The following GALNT9 variants were observed in gnomAD, a reference collection of about 807,000 sequenced individuals.
GALNT9 encodes the protein GalNAc transferase 9.
Under a neutral mutation model 63.1 loss-of-function variants are expected in GALNT9, and 47 were observed. The ratio of observed to expected loss-of-function variants is 0.75; its 90% CI spans 0.59 to 0.95. The LOEUF (loss-of-function observed/expected upper bound fraction) is 0.95, where lower values mean the gene tolerates loss of function less well. Among genes scored for constraint, GALNT9 ranks in the 40% least tolerant of loss-of-function variants. The pLI is 0.00. For missense variants in GALNT9, 829 were observed against 874.8 expected (o/e 0.95, Z 0.66); for synonymous variants, 396 against 365.7 (o/e 1.08, Z -0.94).
At chr12:132,325,373 C>A (rs1309816929) in intron 1 of GALNT9, among the ~76,000 whole-genome samples, 1 of 152,238 alleles carries the variant, frequency 6.6e-6, no homozygotes, top group African/African-American at 2.4e-5. Flanking sequence ...CAGACAGACA[C>A]AGCCTCGCCC....
intron 1 of GALNT9, among the ~76,000 whole-genome samples, chr12:132,302,614 C>T (rs1376200252): frequency 6.6e-6 from 1 of 152,200 alleles, no homozygotes; most frequent in Non-Finnish European, 1.5e-5. Context: ...ACCTGCCTGC[C>T]CCCCAGAGCT....
intron 8 of GALNT9, among the ~76,000 whole-genome samples, chr12:132,199,519 G>C (rs763653713): frequency 1.3e-5 from 2 of 152,160 alleles, no homozygotes; most frequent in Non-Finnish European, 2.9e-5. Flanking sequence ...GGGAACACTT[G>C]AGCAGCAGGG....
intron 6 of GALNT9, among the ~76,000 whole-genome samples, chr12:132,225,090 C>T (rs1040848416): frequency 3.6e-5 from 5 of 140,316 alleles, no homozygotes; most frequent in Non-Finnish European, 7.7e-5. Flanking sequence ...CCACATGCCA[C>T]ACACTGTACA....
rs1198180571 is a variant in GALNT9 at position 132,303,395 on chromosome 12, G to GCCCGGGCACACCCTCA, written c.239-16981_239-16966dup. ...AGCACCCTCTCCGGGGCACAGCCTC[G>GCCCGGGCACACCCTCA]CCCGGGCACACCCTCACCCGGGCAC... On this transcript the variant is annotated intron_variant, in intron 1 of 10. Coordinates refer to ENST00000328957, the MANE Select transcript of GALNT9 (RefSeq NM_001122636.2). 3.3e-3 allele frequency among the ~76,000 whole-genome samples: 306 copies of GCCCGGGCACACCCTCA among 93,080 alleles called. 4 individuals are homozygous for GCCCGGGCACACCCTCA. Among genetic ancestry groups the GCCCGGGCACACCCTCA allele is most frequent in the Middle Eastern group, 5.3e-3 (1 of 190 alleles). 61.1% of individuals were successfully genotyped at this position (93,080 alleles called of 152,430 possible).
At position 132,248,000 on chromosome 12, in the gene GALNT9, G is replaced by A. The variant is rs570816801; in HGVS notation, c.987C>T (p.Phe329=). ...IRTPAMIGCS[F]VVDREYFGDI... The stretch of plus-strand genomic sequence containing the variant: ...CTCCGAAGTACTCGCGGTCCACTAC[G>A]AAGGAGCAGCCGATCATGGCTGGGG... Residue 329 remains phenylalanine, a synonymous_variant, in exon 6 of 11, where the codon TTC becomes TTT. Coordinates refer to ENST00000328957, the MANE Select transcript of GALNT9 (RefSeq NM_001122636.2). 4.4e-5 allele frequency: 69 copies of A among 1,551,322 alleles called. 1 individual carries two copies. The highest frequency in any genetic ancestry group is 2.5e-4 in the African/African-American group (18 of 73,192).
intron 8 of GALNT9, chr12:132,200,799 C>T: frequency 5.6e-6 from 2 of 356,060 alleles, no homozygotes; most frequent in South Asian, 6.8e-5. Flanking sequence ...TGTGAACACG[C>T]ATGGATGTGA....
chr12:132,307,706 C>T (rs558837372), intron 1 of GALNT9, among the ~76,000 whole-genome samples: 11 of 148,644 alleles, frequency 7.4e-5, no homozygotes, highest in East Asian at 2.0e-4. Context: ...TGGTGGCGGG[C>T]GCCTGTAGTC....
chr12:132,243,142 G>A (rs2136904088), intron 6 of GALNT9, among the ~76,000 whole-genome samples: 2 of 24,344 alleles, frequency 8.2e-5, no homozygotes, highest in Admixed American at 1.0e-3. Context: ...TTACACACAC[G>A]CCACACCCCC....
chr12:132,239,393 CAGAA>C (rs1878137444), intron 6 of GALNT9, among the ~76,000 whole-genome samples: 9 of 137,418 alleles, frequency 6.5e-5, no homozygotes, highest in Admixed American at 6.5e-4. Flanking sequence ...GACACAGAGA[CAGAA>C]AGAGAGACAC....
chr12:132,292,855 T>G (rs997653140), intron 1 of GALNT9, among the ~76,000 whole-genome samples: 1 of 152,186 alleles, frequency 6.6e-6, no homozygotes, highest in Non-Finnish European at 1.5e-5. Flanking sequence ...GGGACACTCA[T>G]GAGAGCTGTG....
At chr12:132,213,271 T>C (rs113001086) in intron 6 of GALNT9, among the ~76,000 whole-genome samples, 3,104 of 54,592 alleles carry the variant, frequency 0.057, 135 homozygotes, top group African/African-American at 0.16. Context: ...GTCTGCAGCC[T>C]TCAGACCATG....
intron 4 of GALNT9, among the ~76,000 whole-genome samples, chr12:132,260,036 T>C (rs58311993): frequency 0.022 from 2,309 of 103,254 alleles, 130 homozygotes; most frequent in South Asian, 0.041. Context: ...GGGGCCTGCC[T>C]GGGTGCAGGG....
intron 2 of GALNT9, among the ~76,000 whole-genome samples, chr12:132,285,194 G>A (rs781785616): frequency 8.5e-5 from 13 of 152,216 alleles, no homozygotes; most frequent in Non-Finnish European, 1.6e-4. Context: ...GGAGGCAAGT[G>A]TGGCTGAGGC....
At chr12:132,294,226 G>A (rs1280571941) in intron 1 of GALNT9, among the ~76,000 whole-genome samples, 1 of 152,182 alleles carries the variant, frequency 6.6e-6, no homozygotes, top group Non-Finnish European at 1.5e-5. Context: ...GAGCAGGTGG[G>A]TCCAATGAAC....
rs1013545622 is a variant in GALNT9 at position 132,238,151 on chromosome 12, G to A, written c.1077+9759C>T. ...CATAGTCATGACCTTACAGCAACGA[G>A]CCTGGCTGATGCTTCCAAGGCTAAG... On this transcript the variant is annotated intron_variant, in intron 6 of 10. Transcript: ENST00000328957. The surrounding 1 kb of genome is among the most constrained non-coding windows in gnomAD (Gnocchi z 6.5). Among the ~76,000 whole-genome samples the A allele has an allele frequency of 6.6e-6, 1 of 152,238 alleles. No homozygotes were observed. Among genetic ancestry groups the A allele is most frequent in the Non-Finnish European group, 1.5e-5 (1 of 68,044 alleles).
At chr12:132,230,511 C>T (rs1362323423) in intron 6 of GALNT9, among the ~76,000 whole-genome samples, 6 of 152,186 alleles carry the variant, frequency 3.9e-5, no homozygotes, top group South Asian at 2.1e-4. Flanking sequence ...CCCTTTAATC[C>T]GTCCACTGCC....
At chr12:132,304,430 G>C (rs373641562) in intron 1 of GALNT9, among the ~76,000 whole-genome samples, 231 of 19,192 alleles carry the variant, frequency 0.012, no homozygotes, top group East Asian at 0.068. Context: ...CCCGGGCACA[G>C]CCTCGCCCGG....
rs753938569 is a variant in GALNT9 at position 132,307,555 on chromosome 12, C to T, written c.239-21125G>A. Among the ~76,000 whole-genome samples, 8 of 151,928 alleles carry T rather than the reference C, an allele frequency of 5.3e-5. 1 individual carries two copies. The South Asian group carries it at 8.3e-4, about 16-fold the overall frequency. On this transcript the variant is annotated intron_variant, in intron 1 of 10. Transcript: ENST00000328957. Reference sequence around the variant, plus strand: ...AGTGTCTTATAAGAGAGAAGCGGGCCGGACACAGTGGCTCACGCCTGTAAT... The same window carrying T: ...AGTGTCTTATAAGAGAGAAGCGGGCTGGACACAGTGGCTCACGCCTGTAAT...
At chr12:132,197,769 GC>G in intron 10 of GALNT9, 22 bp downstream of exon 10, 3 of 1,424,348 alleles carry the variant, frequency 2.1e-6, no homozygotes, top group Non-Finnish European at 2.9e-6. Context: ...CAACCCCACG[GC>G]CCCCCTTCCC....
Sources: allele counts gnomAD v4.1 joint callset (sites outside exome capture counted in the v4.1 genomes callset), GRCh38; gene constraint gnomAD v4.1.1; non-coding constraint Gnocchi (gnomAD v3.1); transcripts MANE v1.5; gene names NCBI Gene and HGNC (gene_info 2026-07-23, HGNC 2026-07-21).